The following MIOS variants were observed in gnomAD, a reference collection of about 807,000 sequenced individuals.
MIOS encodes the protein meiosis regulator for oocyte development.
MIOS carries 52 observed loss-of-function variants against 96.9 expected under a neutral mutation model. The ratio of observed to expected loss-of-function variants is 0.54; its 90% confidence interval spans 0.43 to 0.68. The LOEUF is 0.68. MIOS is among the 30% of genes least tolerant of loss of function. The pLI, the probability that MIOS is intolerant of heterozygous loss-of-function variation, is 0.00. For synonymous variants in MIOS, 397 were observed against 359.5 expected (o/e 1.10, Z -1.18); for missense variants, 1,005 against 1,052.8 (o/e 0.95, Z 0.63).
At chr7:7,597,542 T>G (rs1463029162) in intron 11 of MIOS, among the ~76,000 whole-genome samples, 1 of 132,060 alleles carries the variant, frequency 7.6e-6, no homozygotes, top group South Asian at 2.4e-4. Flanking sequence ...ATGTTTTAAA[T>G]GTACATTTTA....
intron 11 of MIOS, chr7:7,605,736 TCC>T: frequency 6.6e-6 from 3 of 453,046 alleles, no homozygotes. Flanking sequence ...GATTTTTTTT[TCC>T]ATTTTTATAT....
At chr7:7,578,521 G>C (rs7459399) in intron 5 of MIOS, among the ~76,000 whole-genome samples, 88,818 of 151,852 alleles carry the variant, frequency 0.58, 28,248 homozygotes, top group Admixed American at 0.72. Flanking sequence ...CAAACAAAAA[G>C]GTAAAATCTA....
At chr7:7,597,855 G>C (rs969507606) in intron 11 of MIOS, among the ~76,000 whole-genome samples, 1 of 151,936 alleles carries the variant, frequency 6.6e-6, no homozygotes. Flanking sequence ...TGGGACCATA[G>C]GGTTTCACCC....
chr7:7,602,602 A>G (rs1306662284), intron 11 of MIOS, among the ~76,000 whole-genome samples: 3 of 152,226 alleles, frequency 2.0e-5, no homozygotes, highest in Admixed American at 6.5e-5. Context: ...AGAACATTCC[A>G]TGCTCATGGG....
In MIOS at chr7:7,585,566, GGTTTAAGAAAT is replaced by G; in HGVS notation, c.1649-67_1649-57del. On this transcript the variant is annotated intron_variant, in intron 6 of 12. Transcript: ENST00000340080. Reference sequence around the variant, plus strand: ...AAGTCACCCTCTGATTTCTATTTATGGTTTAAGAAATGTAGAAGAGATATTAAGCTTTTGAT... The same window carrying G: ...AAGTCACCCTCTGATTTCTATTTATGGTAGAAGAGATATTAAGCTTTTGAT... 3 of 1,339,404 alleles carry G rather than the reference GGTTTAAGAAAT, an allele frequency of 2.2e-6. No homozygotes were observed. The East Asian group carries it at 7.9e-5, about 35-fold the overall frequency. 83.0% of individuals were successfully genotyped at this position (1,339,404 alleles called of 1,614,324 possible).
rs765720174 is a variant in MIOS at position 7,583,266 on chromosome 7, C to G, written c.1542C>G (p.Ser514=). Residue 514 remains serine, a synonymous_variant, in exon 6 of 13, where the codon TCC becomes TCG. Transcript: ENST00000340080. The stretch of plus-strand genomic sequence containing the variant: ...TAGACGTGGGGCCATTTTTGAACTC[C>G]CTTGTACAAGAAGGGGAATGGGAAA... ...TDVDVGPFLN[S]LVQEGEWERA... 8.7e-6 allele frequency: 14 copies of G among 1,613,904 alleles called. No homozygotes were observed. Among genetic ancestry groups the G allele is most frequent in the East Asian group, 2.2e-5 (1 of 44,868 alleles).
At position 7,573,508 on chromosome 7, in the gene MIOS, C is replaced by T. The variant is rs758244824; in HGVS notation, c.1033C>T (p.Arg345Ter). The change falls in exon 4 of 13, where the codon CGA becomes TGA. Residue 345 changes from arginine to a stop codon, truncating the protein, a stop_gained. Coordinates refer to ENST00000340080, the MANE Select transcript of MIOS (RefSeq NM_019005.4). LOFTEE classifies it high-confidence loss of function. This position sits in a 1 kb window ranked among gnomAD's most constrained non-coding sequence, Gnocchi z 5.0. ...QNRMIVVTPN[R>*]TMSDFTVFER... ...TCGAATGATAGTTGTAACTCCCAACCGAACAATGTCAGACTTCACTGTTTT... is the reference window on the plus strand; with the variant it reads ...TCGAATGATAGTTGTAACTCCCAACTGAACAATGTCAGACTTCACTGTTTT... 8.7e-6 allele frequency: 14 copies of T among 1,614,134 alleles called. No homozygotes were observed. Among genetic ancestry groups the T allele is most frequent in the South Asian group, 1.1e-5 (1 of 91,086 alleles).
At chr7:7,584,019 G>A (rs772680878) in intron 6 of MIOS, among the ~76,000 whole-genome samples, 6 of 151,832 alleles carry the variant, frequency 4.0e-5, no homozygotes, top group East Asian at 1.9e-4. Flanking sequence ...GGAATATTTC[G>A]CTTGGAAATA....
At chr7:7,599,741 T>C (rs757277092) in intron 11 of MIOS, among the ~76,000 whole-genome samples, 5 of 152,158 alleles carry the variant, frequency 3.3e-5, no homozygotes, top group Non-Finnish European at 5.9e-5. Context: ...AAGGCATTGC[T>C]GAGCTAAGTT....
chr7:7,580,715 GAGAC>G (rs1783686845), intron 5 of MIOS, among the ~76,000 whole-genome samples: 1 of 98,238 alleles, frequency 1.0e-5, no homozygotes, highest in Non-Finnish European at 2.0e-5. Context: ...TTTTTTTAAA[GAGAC>G]AGAATCTCAC....
intron 3 of MIOS, among the ~76,000 whole-genome samples, chr7:7,571,342 T>C (rs1326123004): frequency 2.0e-5 from 3 of 152,222 alleles, no homozygotes; most frequent in Non-Finnish European, 4.4e-5. Flanking sequence ...TTAACACTTA[T>C]TCAAAGTTTG....
chr7:7,603,496 T>C (rs1784438043), intron 11 of MIOS, among the ~76,000 whole-genome samples: 1 of 151,976 alleles, frequency 6.6e-6, no homozygotes. Context: ...GAAATGCAAA[T>C]CAAAACCACA....
rs1235774254 is a variant in MIOS at position 7,574,189 on chromosome 7, A to G, written c.1386A>G (p.Ser462=). Reference sequence around the variant, plus strand: ...CAGGAATTAAATCAATTGTAAAGTCATCGTTGGGTAAGAAAATTCTATTTC... The same window carrying G: ...CAGGAATTAAATCAATTGTAAAGTCGTCGTTGGGTAAGAAAATTCTATTTC... The part of the protein sequence containing the change: ...VYAGIKSIVK[S]SLGMVESSRH... Residue 462 remains serine, a synonymous_variant, in exon 5 of 13, where the codon TCA becomes TCG. Coordinates refer to ENST00000340080, the MANE Select transcript of MIOS (RefSeq NM_019005.4). The G allele has an allele frequency of 6.3e-7, 1 of 1,598,124 alleles. No homozygotes were observed. Among genetic ancestry groups the G allele is most frequent in the African/African-American group, 1.3e-5 (1 of 74,422 alleles).
intron 10 of MIOS, 123 bp downstream of exon 10, chr7:7,595,255 T>G: frequency 9.4e-7 from 1 of 1,068,352 alleles, no homozygotes; most frequent in East Asian, 2.7e-5. Context: ...TTTTGTAGAC[T>G]GAACTTTGTC....
intron 11 of MIOS, among the ~76,000 whole-genome samples, chr7:7,597,285 C>T (rs1784230904): frequency 6.7e-6 from 1 of 150,336 alleles, no homozygotes; most frequent in Admixed American, 6.6e-5. Flanking sequence ...AAGATCATGC[C>T]ACTGCACTCC....
intron 5 of MIOS, among the ~76,000 whole-genome samples, chr7:7,579,857 A>C (rs1235584427): frequency 6.6e-6 from 1 of 152,186 alleles, no homozygotes; most frequent in Non-Finnish European, 1.5e-5. Context: ...ATGTTCATAC[A>C]ACAACGAAAT....
At chr7:7,590,206 A>T (rs1784008693) in intron 9 of MIOS, among the ~76,000 whole-genome samples, 1 of 152,104 alleles carries the variant, frequency 6.6e-6, no homozygotes, top group Admixed American at 6.5e-5. Context: ...ACAATATGGT[A>T]GCATACTGTG....
intron 11 of MIOS, among the ~76,000 whole-genome samples, chr7:7,604,277 T>C (rs1012082685): frequency 5.3e-5 from 8 of 152,162 alleles, no homozygotes; most frequent in African/African-American, 1.9e-4. Context: ...CCTGGTGCTT[T>C]GCCTGCAATC....
At chr7:7,602,280 A>G (rs1231746394) in intron 11 of MIOS, among the ~76,000 whole-genome samples, 1 of 152,236 alleles carries the variant, frequency 6.6e-6, no homozygotes. Context: ...GAGGAAGTCA[A>G]ATTGTCCCTG....
Sources: gnomAD v4.1 joint callset for allele counts (sites outside exome capture counted in the v4.1 genomes callset) on GRCh38, gnomAD v4.1.1 for gene constraint, Gnocchi (gnomAD v3.1) non-coding constraint, MANE v1.5 for transcripts, NCBI Gene and HGNC (gene_info 2026-07-23, HGNC 2026-07-21) for gene names.